The following PDGFC variants were observed in gnomAD, a reference collection of about 807,000 sequenced individuals.
The protein encoded by PDGFC is platelet-derived growth factor C.
Under a neutral mutation model 35.5 loss-of-function variants are expected in PDGFC, and 12 were observed. That is an observed-to-expected ratio of 0.34 (90% CI 0.22 to 0.55). The LOEUF (loss-of-function observed/expected upper bound fraction) is 0.55. PDGFC is among the 20% of genes least tolerant of loss of function. The pLI, the probability that PDGFC is intolerant of heterozygous loss-of-function variation, is 0.91. For missense variants in PDGFC, 322 were observed against 412.4 expected (o/e 0.78, Z 1.90); for synonymous variants, 159 against 148.8 (o/e 1.07, Z -0.50).
chr4:156,821,169 A>ATG (rs3067734), intron 2 of PDGFC, among the ~76,000 whole-genome samples: 3,930 of 142,676 alleles, frequency 0.028, 75 homozygotes, highest in East Asian at 0.12. Flanking sequence ...TGCCTGTTGT[A>ATG]TGTGTGTGTG....
chr4:156,785,652 G>T (rs886212545), intron 3 of PDGFC, among the ~76,000 whole-genome samples: 8 of 152,166 alleles, frequency 5.3e-5, no homozygotes, highest in African/African-American at 1.9e-4. Context: ...GTCAGTACAG[G>T]TGAGAGATGA....
intron 1 of PDGFC, among the ~76,000 whole-genome samples, chr4:156,949,087 T>C (rs1732017323): frequency 6.6e-6 from 1 of 151,934 alleles, no homozygotes; most frequent in South Asian, 2.1e-4. Context: ...AGTTCCTTGG[T>C]GATTTCTTCA....
At chr4:156,914,821 A>G (rs1468057868) in intron 1 of PDGFC, among the ~76,000 whole-genome samples, 1 of 152,184 alleles carries the variant, frequency 6.6e-6, no homozygotes, top group African/African-American at 2.4e-5. Flanking sequence ...AAGAGATTCA[A>G]CAAAGCACTA....
At chr4:156,783,171 T>TG (rs1362068587) in intron 3 of PDGFC, among the ~76,000 whole-genome samples, 1 of 152,116 alleles carries the variant, frequency 6.6e-6, no homozygotes, top group Non-Finnish European at 1.5e-5. Flanking sequence ...AAGAAAAAGA[T>TG]GAAGACTGTG....
chr4:156,794,879 C>T (rs1277140417), intron 3 of PDGFC, among the ~76,000 whole-genome samples: 1 of 152,052 alleles, frequency 6.6e-6, no homozygotes, highest in East Asian at 1.9e-4. Context: ...CTCTATTGAC[C>T]GCATGCATTT....
chr4:156,967,957 T>G (rs569775849), intron 1 of PDGFC, among the ~76,000 whole-genome samples: 1 of 152,276 alleles, frequency 6.6e-6, no homozygotes, highest in African/African-American at 2.4e-5. Context: ...TATTAGAGGA[T>G]AAAACTTTGT....
At chr4:156,935,362 C>T (rs76662512) in intron 1 of PDGFC, among the ~76,000 whole-genome samples, 1,806 of 152,238 alleles carry the variant, frequency 0.012, 18 homozygotes, top group Middle Eastern at 0.034. Context: ...ATAGCAAATA[C>T]AAAAATCAGT....
At chr4:156,851,787 G>A (rs1729459749) in intron 1 of PDGFC, among the ~76,000 whole-genome samples, 1 of 151,598 alleles carries the variant, frequency 6.6e-6, no homozygotes, top group Admixed American at 6.6e-5. Context: ...AAAAATTAGC[G>A]GGGTGCAGGG....
At chr4:156,945,362 T>C (rs955688705) in intron 1 of PDGFC, among the ~76,000 whole-genome samples, 29 of 103,952 alleles carry the variant, frequency 2.8e-4, no homozygotes, top group East Asian at 1.6e-3. Flanking sequence ...TATATATATA[T>C]ATATATATAT....
intron 1 of PDGFC, among the ~76,000 whole-genome samples, chr4:156,854,779 T>C (rs1729534963): frequency 6.6e-6 from 1 of 152,090 alleles, no homozygotes; most frequent in African/African-American, 2.4e-5. Context: ...ACATTTGCTT[T>C]TCCTATATCC....
At chr4:156,869,341 CAGG>C (rs1280608162) in intron 1 of PDGFC, among the ~76,000 whole-genome samples, 6 of 151,800 alleles carry the variant, frequency 4.0e-5, no homozygotes, top group Non-Finnish European at 8.8e-5. Context: ...GAGGCTGAGG[CAGG>C]AGAATGGCTT....
At chr4:156,939,431 T>A (rs1318269795) in intron 1 of PDGFC, among the ~76,000 whole-genome samples, 1 of 152,060 alleles carries the variant, frequency 6.6e-6, no homozygotes, top group African/African-American at 2.4e-5. Flanking sequence ...CAAGGCCTTA[T>A]TCTCAGTTAC....
At chr4:156,949,080 T>G (rs2110931754) in intron 1 of PDGFC, among the ~76,000 whole-genome samples, 1 of 152,040 alleles carries the variant, frequency 6.6e-6, no homozygotes, top group Non-Finnish European at 1.5e-5. Context: ...AACATCCAGT[T>G]CCTTGGTGAT....
chr4:156,948,401 T>C (rs1731997770), intron 1 of PDGFC, among the ~76,000 whole-genome samples: 1 of 151,918 alleles, frequency 6.6e-6, no homozygotes, highest in African/African-American at 2.4e-5. Context: ...GCTTTGACTA[T>C]ATCCACATCG....
intron 1 of PDGFC, among the ~76,000 whole-genome samples, chr4:156,887,990 G>A (rs567931067): frequency 4.6e-4 from 64 of 139,828 alleles, no homozygotes; most frequent in African/African-American, 1.7e-3. Flanking sequence ...GCAACAGAGT[G>A]AAACCCCGTC....
chr4:156,794,931 G>A (rs768226471), intron 3 of PDGFC, among the ~76,000 whole-genome samples: 33 of 152,152 alleles, frequency 2.2e-4, no homozygotes, highest in Admixed American at 3.9e-4. Context: ...GTATCAAGAT[G>A]GAAACAGAAC....
At chr4:156,831,162 AT>A (rs1227104896) in intron 2 of PDGFC, among the ~76,000 whole-genome samples, 1 of 152,224 alleles carries the variant, frequency 6.6e-6, no homozygotes, top group Non-Finnish European at 1.5e-5. Context: ...AGTAACATAC[AT>A]GTTCATACAC....
intron 1 of PDGFC, among the ~76,000 whole-genome samples, chr4:156,865,240 G>A (rs1457447577): frequency 6.6e-6 from 1 of 150,450 alleles, no homozygotes; most frequent in Non-Finnish European, 1.5e-5. Context: ...ACACAAAGTG[G>A]TCCAGCATGA....
chr4:156,959,474 GT>G (rs1450936796), intron 1 of PDGFC, among the ~76,000 whole-genome samples: 1 of 151,868 alleles, frequency 6.6e-6, no homozygotes, highest in African/African-American at 2.4e-5. Flanking sequence ...GTTTAAGAGT[GT>G]TTGAATGAGC....
Sources: allele counts gnomAD v4.1 joint callset (sites outside exome capture counted in the v4.1 genomes callset), GRCh38; gene constraint gnomAD v4.1.1; transcripts MANE v1.5; gene names NCBI Gene and HGNC (gene_info 2026-07-23, HGNC 2026-07-21).